The following MYO3A variants were observed in gnomAD, a reference collection of about 807,000 sequenced individuals.
MYO3A encodes myosin-IIIa.
MYO3A carries 180 observed loss-of-function variants against 192.7 expected under a neutral mutation model. The observed-to-expected ratio is 0.93, with a 90% confidence interval of 0.83 to 1.06. The LOEUF (loss-of-function observed/expected upper bound fraction) is 1.06. MYO3A is among the 50% of genes least tolerant of loss of function. The pLI is 0.00. For missense variants in MYO3A, 1,896 were observed against 1,905.0 expected (o/e 1.00, Z 0.09); for synonymous variants, 628 against 645.3 (o/e 0.97, Z 0.41).
At chr10:26,126,698 A>G (rs945906113) in intron 19 of MYO3A, among the ~76,000 whole-genome samples, 3 of 152,182 alleles carry the variant, frequency 2.0e-5, no homozygotes, top group Non-Finnish European at 4.4e-5. Context: ...CAAGATATTT[A>G]GAGATTTGGC....
At chr10:25,950,935 C>A (rs1057159636) in intron 2 of MYO3A, among the ~76,000 whole-genome samples, 1 of 152,032 alleles carries the variant, frequency 6.6e-6, no homozygotes, top group Non-Finnish European at 1.5e-5. Context: ...ACTTTCCTTT[C>A]TTTTATTATT....
intron 26 of MYO3A, among the ~76,000 whole-genome samples, chr10:26,162,970 G>A (rs182917694): frequency 1.2e-4 from 19 of 152,368 alleles, no homozygotes; most frequent in Admixed American, 7.8e-4. Flanking sequence ...GAAACTAGGA[G>A]TGGGATGAAA....
chr10:26,138,870 C>A (rs574115045), intron 20 of MYO3A, among the ~76,000 whole-genome samples: 2 of 152,270 alleles, frequency 1.3e-5, no homozygotes, highest in Non-Finnish European at 2.9e-5. Context: ...ACCAAGAGGA[C>A]ACACAGAAGG....
At chr10:26,006,677 C>G (rs529850722) in intron 6 of MYO3A, among the ~76,000 whole-genome samples, 1 of 152,050 alleles carries the variant, frequency 6.6e-6, no homozygotes, top group East Asian at 1.9e-4. Flanking sequence ...CGAGACTAAA[C>G]CAGGAAGAAG....
intron 31 of MYO3A, among the ~76,000 whole-genome samples, chr10:26,192,732 C>T (rs1435971208): frequency 5.5e-5 from 8 of 146,148 alleles, no homozygotes; most frequent in African/African-American, 1.8e-4. Flanking sequence ...TTACTCATTG[C>T]AACCTCTGCC....
At chr10:26,141,056 T>C (rs531128444) in intron 20 of MYO3A, among the ~76,000 whole-genome samples, 96 of 152,184 alleles carry the variant, frequency 6.3e-4, no homozygotes, top group Middle Eastern at 3.4e-3. Flanking sequence ...GTCTCCTGAG[T>C]AGCTGGGGCT....
At chr10:26,192,428 G>A (rs936260538) in intron 31 of MYO3A, among the ~76,000 whole-genome samples, 3 of 152,146 alleles carry the variant, frequency 2.0e-5, no homozygotes, top group Admixed American at 1.3e-4. Flanking sequence ...AATGAAGATC[G>A]TGCAGTGCTT....
At chr10:26,170,911 A>T (rs868577350) in intron 29 of MYO3A, among the ~76,000 whole-genome samples, 5 of 152,142 alleles carry the variant, frequency 3.3e-5, no homozygotes, top group African/African-American at 1.2e-4. Flanking sequence ...TGTCATAATC[A>T]CCAGCTGCTC....
chr10:26,037,715 GGCTGTCCAGGAA>G (rs1177795025), intron 10 of MYO3A, among the ~76,000 whole-genome samples: 2 of 152,156 alleles, frequency 1.3e-5, no homozygotes, highest in Non-Finnish European at 2.9e-5. Context: ...CTGTTCCTCA[GGCTGTCCAGGAA>G]GCATGACTGG....
chr10:26,055,065 A>C (rs72795848), intron 10 of MYO3A, among the ~76,000 whole-genome samples: 24,740 of 152,192 alleles, frequency 0.16, 2,304 homozygotes, highest in Non-Finnish European at 0.21. Context: ...GGAAGTGACA[A>C]TGGCCAGGAT....
intron 19 of MYO3A, among the ~76,000 whole-genome samples, chr10:26,126,511 A>G (rs1473488042): frequency 2.6e-5 from 4 of 152,068 alleles, no homozygotes; most frequent in Non-Finnish European, 5.9e-5. Flanking sequence ...GTGTCTCTCA[A>G]AATTGCTTGT....
chr10:25,952,145 A>C lies in MYO3A; in HGVS notation c.35A>C (p.Asp12Ala). Residue 12 changes from aspartate to alanine, a missense_variant, in exon 3 of 35, where the codon GAT becomes GCT. Physicochemically the swap from Asp to Ala is moderately radical, Grantham distance 126. Transcript: ENST00000642920. Reference protein sequence around the residue: ...FPLIGKTIIFDNFPDPSDTWE... With the variant: ...FPLIGKTIIFANFPDPSDTWE... ...TTAATTGGAAAAACAATCATCTTTG[A>C]TAACTTTCCTGATCCTTCTGATACA... 6.2e-7 allele frequency: 1 copy of C among 1,612,326 alleles called. No individual in the cohort carries two copies. The highest frequency in any genetic ancestry group is 1.1e-5 in the South Asian group (1 of 91,050).
At chr10:25,937,693 T>A (rs1410215458) in intron 2 of MYO3A, among the ~76,000 whole-genome samples, 1 of 151,832 alleles carries the variant, frequency 6.6e-6, no homozygotes, top group South Asian at 2.1e-4. Flanking sequence ...TAGCATTTAT[T>A]TTAAGAAGTA....
chr10:26,011,013 G>A (rs978302605), intron 6 of MYO3A, among the ~76,000 whole-genome samples: 1 of 144,686 alleles, frequency 6.9e-6, no homozygotes, highest in African/African-American at 2.7e-5. Context: ...TTACTTTGTG[G>A]ATTGTTTTTG....
At chr10:25,981,821 G>A (rs531777683) in intron 4 of MYO3A, among the ~76,000 whole-genome samples, 1 of 152,340 alleles carries the variant, frequency 6.6e-6, no homozygotes, top group Non-Finnish European at 1.5e-5. Context: ...AGACAGAGCA[G>A]CATGTGAAGA....
At chr10:26,050,545 T>C (rs1843930207) in intron 10 of MYO3A, among the ~76,000 whole-genome samples, 1 of 152,258 alleles carries the variant, frequency 6.6e-6, no homozygotes, top group African/African-American at 2.4e-5. Flanking sequence ...CTTGTGTCTA[T>C]GCTTTTACTT....
intron 17 of MYO3A, among the ~76,000 whole-genome samples, chr10:26,106,105 T>A (rs1304086576): frequency 6.6e-6 from 1 of 152,124 alleles, no homozygotes; most frequent in Admixed American, 6.5e-5. Flanking sequence ...TAGCTATTGT[T>A]TAGCATTGCT....
At chr10:26,097,786 T>C (rs890099824) in intron 17 of MYO3A, among the ~76,000 whole-genome samples, 1 of 152,220 alleles carries the variant, frequency 6.6e-6, no homozygotes, top group Non-Finnish European at 1.5e-5. Context: ...CAGTCTATCA[T>C]TGGTGGACAT....
intron 4 of MYO3A, among the ~76,000 whole-genome samples, chr10:25,991,924 GTATAGT>G (rs990017570): frequency 3.3e-5 from 5 of 152,190 alleles, no homozygotes; most frequent in African/African-American, 4.8e-5. Flanking sequence ...TACCCTTGTA[GTATAGT>G]TTGAAGTCAG....
Sources: gnomAD v4.1 joint callset for allele counts (sites outside exome capture counted in the v4.1 genomes callset) on GRCh38, gnomAD v4.1.1 for gene constraint, MANE v1.5 for transcripts, NCBI Gene and HGNC (gene_info 2026-07-23, HGNC 2026-07-21) for gene names.